Variants in PCDH15 observed in about 807,000 individuals in gnomAD.
PCDH15 encodes protocadherin-15.
Under a neutral mutation model 178.5 loss-of-function variants are expected in PCDH15, and 129 were observed. The observed-to-expected ratio is 0.72, with a 90% confidence interval of 0.63 to 0.84. The LOEUF (loss-of-function observed/expected upper bound fraction) is 0.84, where lower values mean the gene tolerates loss of function less well. Ranked by LOEUF, PCDH15 falls within the 40% of genes least tolerant of loss-of-function variation. The probability of loss-of-function intolerance (pLI) is 0.00; values close to 1 mark genes in which losing one functional copy is unlikely to be tolerated. For missense variants in PCDH15, 2,230 were observed against 2,099.9 expected (o/e 1.06, Z -1.21); for synonymous variants, 800 against 732.0 (o/e 1.09, Z -1.50).
intron 2 of PCDH15, among the ~76,000 whole-genome samples, chr10:55,023,846 C>T (rs1840401254): frequency 2.0e-5 from 3 of 146,432 alleles, no homozygotes; most frequent in Admixed American, 6.9e-5. Context: ...TATATATATG[C>T]CTATATATAT....
chr10:55,486,158 G>A (rs1382290454), intron 2 of PCDH15, among the ~76,000 whole-genome samples: 1 of 151,604 alleles, frequency 6.6e-6, no homozygotes, highest in Non-Finnish European at 1.5e-5. Context: ...TTGTAACTGT[G>A]AATACAATGA....
intron 3 of PCDH15, among the ~76,000 whole-genome samples, chr10:54,852,930 A>G (rs1403960286): frequency 6.6e-6 from 1 of 151,646 alleles, no homozygotes; most frequent in Non-Finnish European, 1.5e-5. Context: ...TTTGGTATAC[A>G]GACAGATACA....
chr10:54,464,535 G>C (rs2077397142), intron 3 of PCDH15, among the ~76,000 whole-genome samples: 1 of 152,164 alleles, frequency 6.6e-6, no homozygotes, highest in South Asian at 2.1e-4. Context: ...ATAGCTTACA[G>C]ATAGTAAAAC....
At chr10:55,269,179 G>T (rs957896875) in intron 1 of PCDH15, among the ~76,000 whole-genome samples, 1 of 151,908 alleles carries the variant, frequency 6.6e-6, no homozygotes, top group African/African-American at 2.4e-5. Context: ...AACACCATAT[G>T]GAATGGGCAA....
intron 27 of PCDH15, among the ~76,000 whole-genome samples, chr10:53,858,481 T>C (rs966536995): frequency 1.3e-5 from 2 of 152,096 alleles, no homozygotes; most frequent in African/African-American, 4.8e-5. Context: ...CTAAGGAATA[T>C]TGCAGTGTGG....
intron 6 of PCDH15, among the ~76,000 whole-genome samples, chr10:54,343,268 C>G (rs1942596218): frequency 6.6e-6 from 1 of 151,932 alleles, no homozygotes; most frequent in African/African-American, 2.4e-5. Flanking sequence ...CAGTTTTCCC[C>G]CTGCTGTTTT....
intron 2 of PCDH15, among the ~76,000 whole-genome samples, chr10:55,328,758 T>C (rs1363512155): frequency 6.6e-6 from 1 of 151,032 alleles, no homozygotes; most frequent in Non-Finnish European, 1.5e-5. Context: ...TTTTATTCGG[T>C]ACCGTAGGTC....
At chr10:54,429,903 C>A (rs188171967) in intron 3 of PCDH15, among the ~76,000 whole-genome samples, 1 of 152,218 alleles carries the variant, frequency 6.6e-6, no homozygotes, top group East Asian at 1.9e-4. Context: ...GACTTCAACA[C>A]CCTACTTTCT....
At chr10:54,961,877 G>A (rs937423718) in intron 2 of PCDH15, among the ~76,000 whole-genome samples, 45 of 152,028 alleles carry the variant, frequency 3.0e-4, no homozygotes, top group African/African-American at 9.9e-4. Flanking sequence ...TACTCACTTC[G>A]GGTCTTCTCT....
chr10:54,602,977 T>C (rs922029164), intron 2 of PCDH15, among the ~76,000 whole-genome samples: 4 of 151,972 alleles, frequency 2.6e-5, no homozygotes, highest in African/African-American at 9.7e-5. Context: ...CTACATGAAA[T>C]GAGTTTGTAA....
At chr10:54,829,231 T>A (rs889140777) in intron 3 of PCDH15, among the ~76,000 whole-genome samples, 5 of 151,926 alleles carry the variant, frequency 3.3e-5, no homozygotes, top group Admixed American at 2.0e-4. Context: ...AGTGGTATAG[T>A]AATGGTTGTG....
At chr10:53,836,124 C>A (rs767014765) in intron 29 of PCDH15, among the ~76,000 whole-genome samples, 8 of 152,102 alleles carry the variant, frequency 5.3e-5, no homozygotes, top group Non-Finnish European at 1.0e-4. Flanking sequence ...GGGGGAGGAG[C>A]AGGAAGTCCT....
At chr10:54,768,563 C>T (rs919731937) in intron 1 of PCDH15, among the ~76,000 whole-genome samples, 2 of 151,896 alleles carry the variant, frequency 1.3e-5, no homozygotes, top group South Asian at 2.1e-4. Context: ...AAGAAGTAAG[C>T]GAGACTTAAG....
chr10:54,729,552 T>A (rs112409737), intron 1 of PCDH15, among the ~76,000 whole-genome samples: 1 of 151,716 alleles, frequency 6.6e-6, no homozygotes, highest in Admixed American at 6.6e-5. Context: ...AATTGACAAG[T>A]GGGACCTAAT....
intron 2 of PCDH15, among the ~76,000 whole-genome samples, chr10:55,162,600 C>T (rs1839094531): frequency 6.6e-6 from 1 of 152,134 alleles, no homozygotes; most frequent in African/African-American, 2.4e-5. Flanking sequence ...TTATAGTTTA[C>T]ATGATAATAG....
chr10:54,663,640 T>C (rs909658678), intron 2 of PCDH15, among the ~76,000 whole-genome samples: 3 of 150,470 alleles, frequency 2.0e-5, no homozygotes, highest in African/African-American at 7.3e-5. Flanking sequence ...AGAAATCAAA[T>C]ACCAAATCAA....
At chr10:55,534,859 T>A (rs571938785) in intron 2 of PCDH15, among the ~76,000 whole-genome samples, 2 of 152,096 alleles carry the variant, frequency 1.3e-5, no homozygotes, top group Non-Finnish European at 2.9e-5. Flanking sequence ...GTGTTACATA[T>A]GCACCATGGA....
intron 2 of PCDH15, among the ~76,000 whole-genome samples, chr10:55,451,308 C>T (rs910380292): frequency 8.6e-5 from 13 of 151,930 alleles, no homozygotes; most frequent in African/African-American, 3.1e-4. Flanking sequence ...GCCATCCTGG[C>T]TAACACAGTG....
chr10:54,928,975 T>A (rs1837699461), intron 2 of PCDH15, among the ~76,000 whole-genome samples: 1 of 152,198 alleles, frequency 6.6e-6, no homozygotes, highest in South Asian at 2.1e-4. Flanking sequence ...GGAAAGGTGA[T>A]GTGGTTGTCT....
Sources: allele counts gnomAD v4.1 joint callset (sites outside exome capture counted in the v4.1 genomes callset), GRCh38; gene constraint gnomAD v4.1.1; transcripts MANE v1.5; gene names NCBI Gene and HGNC (gene_info 2026-07-23, HGNC 2026-07-21).